Variants in GAREM1 observed in about 807,000 individuals in gnomAD.
GAREM1 encodes the protein GRB2 associated regulator of MAPK1 subtype 1, also known as GRB2-associated and regulator of MAPK protein 1.
Under a neutral mutation model 71.3 loss-of-function variants are expected in GAREM1, and 26 were observed. The ratio of observed to expected loss-of-function variants is 0.36; its 90% CI spans 0.27 to 0.51. The LOEUF (loss-of-function observed/expected upper bound fraction) is 0.51, where lower values mean the gene tolerates loss of function less well. GAREM1 is among the 20% of genes least tolerant of loss of function. GAREM1 has a pLI of 0.95. For missense variants in GAREM1, 1,026 were observed against 1,103.1 expected (o/e 0.93, Z 0.99); for synonymous variants, 440 against 433.2 (o/e 1.02, Z -0.20).
At chr18:32,403,884 C>T (rs1480774383) in intron 1 of GAREM1, among the ~76,000 whole-genome samples, 1 of 152,154 alleles carries the variant, frequency 6.6e-6, no homozygotes, top group East Asian at 1.9e-4. Context: ...TATTTAAAGG[C>T]CAACACAGTA....
At chr18:32,354,633 T>C (rs1179336167) in intron 2 of GAREM1, among the ~76,000 whole-genome samples, 1 of 152,304 alleles carries the variant, frequency 6.6e-6, no homozygotes, top group East Asian at 1.9e-4. Flanking sequence ...CAGAATGGGC[T>C]AGAAGAGACG....
chr18:32,363,718 T>C (rs1432420679), intron 2 of GAREM1, among the ~76,000 whole-genome samples: 2 of 151,954 alleles, frequency 1.3e-5, no homozygotes, highest in East Asian at 3.9e-4. Context: ...TGTGAACTTT[T>C]TGAGACAAAG....
chr18:32,461,859 T>C (rs916654129), intron 1 of GAREM1, among the ~76,000 whole-genome samples: 5 of 152,180 alleles, frequency 3.3e-5, no homozygotes, highest in Non-Finnish European at 4.4e-5. Flanking sequence ...TGAGTCTTCC[T>C]AGAACCGGCA....
chr18:32,390,916 C>T (rs2048189579), intron 2 of GAREM1, among the ~76,000 whole-genome samples: 1 of 152,148 alleles, frequency 6.6e-6, no homozygotes, highest in Admixed American at 6.5e-5. Flanking sequence ...CCAGGTGAAT[C>T]CAATGTATAA....
chr18:32,398,007 AACTC>A (rs2048274963), intron 1 of GAREM1, among the ~76,000 whole-genome samples: 1 of 152,230 alleles, frequency 6.6e-6, no homozygotes, highest in African/African-American at 2.4e-5. Flanking sequence ...AGGATTAAGA[AACTC>A]ACTCAAAACC....
chr18:32,445,557 G>A (rs1057421976), intron 1 of GAREM1, among the ~76,000 whole-genome samples: 1 of 152,088 alleles, frequency 6.6e-6, no homozygotes, highest in Non-Finnish European at 1.5e-5. Context: ...CAAAACTATT[G>A]CTATAGTAAT....
At chr18:32,298,804 T>C (rs1314821444) in intron 3 of GAREM1, among the ~76,000 whole-genome samples, 1 of 152,218 alleles carries the variant, frequency 6.6e-6, no homozygotes, top group Non-Finnish European at 1.5e-5. Context: ...ATATAGGTTA[T>C]ATAGACAATA....
At chr18:32,300,941 C>T (rs1189663014) in intron 3 of GAREM1, among the ~76,000 whole-genome samples, 1 of 149,558 alleles carries the variant, frequency 6.7e-6, no homozygotes, top group Non-Finnish European at 1.5e-5. Flanking sequence ...AAGGCACAGT[C>T]TAACTGGTCG....
chr18:32,364,626 TAA>T (rs1225624330), intron 2 of GAREM1, among the ~76,000 whole-genome samples: 1 of 152,160 alleles, frequency 6.6e-6, no homozygotes. Flanking sequence ...ATTAAATTTT[TAA>T]AAAAAGTCTG....
intron 2 of GAREM1, among the ~76,000 whole-genome samples, chr18:32,336,519 A>G (rs144718038): frequency 3.9e-5 from 6 of 152,296 alleles, no homozygotes; most frequent in African/African-American, 1.2e-4. Context: ...AGTACTTACC[A>G]AATTTAAACA....
intron 2 of GAREM1, among the ~76,000 whole-genome samples, chr18:32,335,298 C>T (rs686196): frequency 6.6e-6 from 1 of 151,964 alleles, no homozygotes. Context: ...ATGTAATTCA[C>T]CCTCCTCTTT....
chr18:32,315,273 A>G (rs1200113697), intron 2 of GAREM1, among the ~76,000 whole-genome samples: 3 of 152,044 alleles, frequency 2.0e-5, no homozygotes, highest in Non-Finnish European at 4.4e-5. Context: ...AGTGCTATCT[A>G]GCAGAAATAT....
chr18:32,370,408 CA>C (rs1598996462), intron 2 of GAREM1, among the ~76,000 whole-genome samples: 1 of 113,224 alleles, frequency 8.8e-6, no homozygotes, highest in Non-Finnish European at 1.8e-5. Flanking sequence ...GGCAACAGAG[CA>C]AAACTCTGTT....
At chr18:32,400,454 A>G (rs936392990) in intron 1 of GAREM1, among the ~76,000 whole-genome samples, 6 of 152,244 alleles carry the variant, frequency 3.9e-5, no homozygotes, top group African/African-American at 1.4e-4. Context: ...CAGAATCTAC[A>G]AAGAACTCAA....
chr18:32,328,604 G>T (rs1444973878), intron 2 of GAREM1, among the ~76,000 whole-genome samples: 1 of 152,166 alleles, frequency 6.6e-6, no homozygotes, highest in African/African-American at 2.4e-5. Flanking sequence ...AATAAATGAC[G>T]TTAGAGAGGG....
chr18:32,404,334 A>C (rs879133287), intron 1 of GAREM1, among the ~76,000 whole-genome samples: 1 of 152,156 alleles, frequency 6.6e-6, no homozygotes, highest in African/African-American at 2.4e-5. Context: ...TTGATAATCA[A>C]CTTGTTAGCT....
intron 1 of GAREM1, among the ~76,000 whole-genome samples, chr18:32,459,117 T>C (rs1046929096): frequency 3.9e-5 from 6 of 152,090 alleles, no homozygotes; most frequent in African/African-American, 1.4e-4. Context: ...AGGCTCAAGA[T>C]CTAATGTAAA....
rs536329833 is a variant in GAREM1 at position 32,289,813 on chromosome 18, C to T, written c.394-1610G>A. Among the ~76,000 whole-genome samples, 33 of 152,230 alleles carry T rather than the reference C, an allele frequency of 2.2e-4. 1 individual carries two copies. Among genetic ancestry groups the T allele is most frequent in the African/African-American group, 7.7e-4 (32 of 41,538 alleles). ...TAATGCCCAGGACAGCTCCCCACAG[C>T]AAAGAATTAGCCAGTGCAAAAATAT... On this transcript the variant is annotated intron_variant, in intron 3 of 5. Coordinates refer to ENST00000269209, the MANE Select transcript of GAREM1 (RefSeq NM_001242409.2).
chr18:32,358,452 C>T (rs1033514634), intron 2 of GAREM1, among the ~76,000 whole-genome samples: 10 of 152,128 alleles, frequency 6.6e-5, no homozygotes, highest in Non-Finnish European at 1.2e-4. Flanking sequence ...ATCTGGACAA[C>T]GATCTAAGCT....
Sources: gnomAD v4.1 joint callset for allele counts (sites outside exome capture counted in the v4.1 genomes callset) on GRCh38, gnomAD v4.1.1 for gene constraint, MANE v1.5 for transcripts, NCBI Gene and HGNC (gene_info 2026-07-23, HGNC 2026-07-21) for gene names.